The following PDE8A variants were observed in gnomAD, a reference collection of about 807,000 sequenced individuals.
PDE8A encodes phosphodiesterase 8A.
In PDE8A, 59 loss-of-function variants were observed where a neutral mutation model predicts 105.0. The ratio of observed to expected loss-of-function variants is 0.56; its 90% confidence interval spans 0.46 to 0.70. PDE8A has a LOEUF of 0.70. Ranked by LOEUF, PDE8A falls within the 30% of genes least tolerant of loss-of-function variation. The pLI is 0.00. For missense variants in PDE8A, 1,014 were observed against 1,045.9 expected (o/e 0.97, Z 0.42); for synonymous variants, 355 against 371.9 (o/e 0.95, Z 0.52).
chr15:85,053,925 G>A (rs1282990681), intron 1 of PDE8A, among the ~76,000 whole-genome samples: 2 of 152,184 alleles, frequency 1.3e-5, no homozygotes, highest in African/African-American at 4.8e-5. Context: ...TCCAGTTTTT[G>A]CCCATTCAGT....
At chr15:85,130,380 C>T (rs531871876) in intron 20 of PDE8A, among the ~76,000 whole-genome samples, 3 of 152,130 alleles carry the variant, frequency 2.0e-5, no homozygotes, top group African/African-American at 4.8e-5. Context: ...GTGAGTTTCC[C>T]GGTTTTCCTT....
intron 3 of PDE8A, 94 bp downstream of exon 3, chr15:85,067,298 A>G (rs1214979751): frequency 1.1e-6 from 1 of 889,506 alleles, no homozygotes; most frequent in South Asian, 2.0e-5. Flanking sequence ...CTCTCTTTTA[A>G]GTTGCTTTCC....
At chr15:84,984,387 A>G (rs897271884) in intron 1 of PDE8A, among the ~76,000 whole-genome samples, 4 of 152,258 alleles carry the variant, frequency 2.6e-5, no homozygotes, top group South Asian at 2.1e-4. Context: ...GATATTAACT[A>G]TGCTCTGGAA....
intron 1 of PDE8A, among the ~76,000 whole-genome samples, chr15:85,053,568 A>G (rs1192260860): frequency 3.3e-5 from 5 of 152,124 alleles, no homozygotes; most frequent in South Asian, 2.1e-4. Flanking sequence ...TAGGTATTCT[A>G]TTCTCTTGGA....
intron 1 of PDE8A, among the ~76,000 whole-genome samples, chr15:84,988,851 T>C (rs953823998): frequency 2.0e-5 from 3 of 152,220 alleles, no homozygotes; most frequent in African/African-American, 7.2e-5. Context: ...CTAGTTTCCT[T>C]ATAGTTCCCA....
intron 1 of PDE8A, among the ~76,000 whole-genome samples, chr15:85,025,929 C>G (rs1348262239): frequency 6.6e-6 from 1 of 152,166 alleles, no homozygotes; most frequent in Non-Finnish European, 1.5e-5. Context: ...ACTCTGTAAT[C>G]TGCTTTACCC....
chr15:85,014,926 G>T (rs921675407), intron 1 of PDE8A, among the ~76,000 whole-genome samples: 1 of 151,990 alleles, frequency 6.6e-6, no homozygotes. Flanking sequence ...ATTGCCTCCT[G>T]CCCCTTTACC....
intron 1 of PDE8A, among the ~76,000 whole-genome samples, chr15:85,052,319 A>G (rs2080989100): frequency 1.3e-5 from 2 of 152,190 alleles, no homozygotes; most frequent in African/African-American, 2.4e-5. Context: ...ATGATTTATA[A>G]TCCTTTGGGT....
chr15:85,121,059 T>A, intron 18 of PDE8A, 45 bp downstream of exon 18: 1 of 1,058,604 alleles, frequency 9.4e-7, no homozygotes, highest in Non-Finnish European at 1.4e-6. Context: ...CTCTTTCTTT[T>A]TTAAACAGCT....
intron 3 of PDE8A, among the ~76,000 whole-genome samples, chr15:85,069,460 C>G (rs528531472): frequency 4.4e-4 from 67 of 152,292 alleles, no homozygotes; most frequent in South Asian, 4.2e-4. Flanking sequence ...CCAGAATGGA[C>G]TTCCAACACT....
chr15:85,095,405 G>A (rs12914463), intron 8 of PDE8A, among the ~76,000 whole-genome samples: 3,697 of 152,082 alleles, frequency 0.024, 157 homozygotes, highest in African/African-American at 0.083. Flanking sequence ...GTGCAGTGGG[G>A]TGATATCGGC....
At chr15:85,019,972 G>GTTT in intron 1 of PDE8A, among the ~76,000 whole-genome samples, 1 of 48,098 alleles carries the variant, frequency 2.1e-5, no homozygotes, top group Non-Finnish European at 3.8e-5. Flanking sequence ...TTTTTTTTTG[G>GTTT]CTTCCTGTGA....
chr15:85,081,813 T>C (rs1490979773), intron 5 of PDE8A, among the ~76,000 whole-genome samples: 1 of 152,202 alleles, frequency 6.6e-6, no homozygotes, highest in Non-Finnish European at 1.5e-5. Context: ...GGTCACATGC[T>C]AGTTTTTTTT....
At chr15:85,048,373 T>A (rs1047209726) in intron 1 of PDE8A, among the ~76,000 whole-genome samples, 10 of 152,188 alleles carry the variant, frequency 6.6e-5, no homozygotes, top group Non-Finnish European at 1.5e-5. Context: ...TTTATCTATT[T>A]GATCCTTCTT....
chr15:85,044,256 G>A (rs1305833494), intron 1 of PDE8A, among the ~76,000 whole-genome samples: 1 of 152,044 alleles, frequency 6.6e-6, no homozygotes, highest in Non-Finnish European at 1.5e-5. Context: ...TTTCACCCCA[G>A]TATATAACTA....
chr15:85,099,864 A>G (rs996913474), intron 9 of PDE8A, 151 bp from the exon 10 acceptor site: 1 of 658,358 alleles, frequency 1.5e-6, no homozygotes, highest in Admixed American at 2.7e-5. Context: ...TTCTTTATTT[A>G]TTGGTGGCCT....
At chr15:85,004,344 G>C (rs2142186087) in intron 1 of PDE8A, among the ~76,000 whole-genome samples, 1 of 152,308 alleles carries the variant, frequency 6.6e-6, no homozygotes, top group Admixed American at 6.5e-5. Flanking sequence ...TCTGGTCCCA[G>C]TTACTAATTC....
chr15:85,137,648 G>C (rs761404314), intron 21 of PDE8A, 149 bp from the exon 22 acceptor site: 1 of 592,732 alleles, frequency 1.7e-6, no homozygotes, highest in Non-Finnish European at 3.0e-6. Context: ...GCCACGGCTC[G>C]TTGAAGCTGC....
chr15:84,991,484 G>C (rs72754992), intron 1 of PDE8A, among the ~76,000 whole-genome samples: 2,849 of 152,260 alleles, frequency 0.019, 47 homozygotes, highest in African/African-American at 0.036. Flanking sequence ...GTATTTTGAG[G>C]AACTGCTCAA....
Sources: gnomAD v4.1 joint callset for allele counts (sites outside exome capture counted in the v4.1 genomes callset) on GRCh38, gnomAD v4.1.1 for gene constraint, MANE v1.5 for transcripts, NCBI Gene and HGNC (gene_info 2026-07-23, HGNC 2026-07-21) for gene names.